The following DAB1 variants were observed in gnomAD, a reference collection of about 807,000 sequenced individuals.
DAB1 encodes disabled homolog 1.
DAB1 carries 15 observed loss-of-function variants against 64.6 expected under a neutral mutation model. The observed-to-expected ratio is 0.23, with a 90% CI of 0.16 to 0.36. The LOEUF is 0.36. Among genes scored for constraint, DAB1 ranks in the 10% least tolerant of loss-of-function variants. DAB1 has a pLI of 1.00. For missense variants in DAB1, 596 were observed against 706.7 expected (o/e 0.84, Z 1.78); for synonymous variants, 235 against 251.9 (o/e 0.93, Z 0.64).
intron 7 of DAB1, among the ~76,000 whole-genome samples, chr1:57,475,500 G>A (rs933645560): frequency 2.6e-5 from 4 of 152,224 alleles, no homozygotes; most frequent in African/African-American, 9.6e-5. Flanking sequence ...CAGATTCACA[G>A]GCCTATTACT....
At chr1:57,270,821 G>T (rs769190205) in intron 2 of DAB1, among the ~76,000 whole-genome samples, 2 of 152,148 alleles carry the variant, frequency 1.3e-5, no homozygotes, top group Non-Finnish European at 1.5e-5. Flanking sequence ...CAGGCACCTT[G>T]CTTGGCCCTA....
chr1:58,447,001 G>A (rs1357507162), intron 3 of DAB1, among the ~76,000 whole-genome samples: 1 of 152,212 alleles, frequency 6.6e-6, no homozygotes, highest in Non-Finnish European at 1.5e-5. Flanking sequence ...ACTGAACAGT[G>A]GAAGGAAACT....
intron 3 of DAB1, among the ~76,000 whole-genome samples, chr1:58,352,769 G>A (rs1644071096): frequency 6.6e-6 from 1 of 152,112 alleles, no homozygotes; most frequent in African/African-American, 2.4e-5. Flanking sequence ...GCCTTTGAGA[G>A]GTGATGAGAT....
At chr1:58,486,325 G>A (rs902304522) in intron 3 of DAB1, among the ~76,000 whole-genome samples, 2 of 152,136 alleles carry the variant, frequency 1.3e-5, no homozygotes, top group African/African-American at 4.8e-5. Context: ...CAAGTTACAT[G>A]GCTGAGTCAG....
At chr1:57,990,963 G>C (rs1646329007) in intron 5 of DAB1, among the ~76,000 whole-genome samples, 1 of 152,170 alleles carries the variant, frequency 6.6e-6, no homozygotes, top group Non-Finnish European at 1.5e-5. Context: ...TGCTACTTGG[G>C]GTGGGAGGAG....
chr1:57,229,808 G>A (rs1667538345), intron 2 of DAB1, among the ~76,000 whole-genome samples: 1 of 152,158 alleles, frequency 6.6e-6, no homozygotes, highest in South Asian at 2.1e-4. Context: ...TGGAAGAGTT[G>A]AATTTGCCTG....
chr1:58,188,441 C>G (rs1657208979), intron 4 of DAB1, among the ~76,000 whole-genome samples: 1 of 152,196 alleles, frequency 6.6e-6, no homozygotes, highest in Non-Finnish European at 1.5e-5. Context: ...AGAGAAGTGA[C>G]TGGGTATTCA....
chr1:57,776,084 T>C lies in DAB1; in HGVS notation n.551+107915A>G, dbSNP rs1162780802. Among the ~76,000 whole-genome samples, 3 of 151,868 alleles carry C rather than the reference T, an allele frequency of 2.0e-5. No homozygotes were observed. In the East Asian group the frequency reaches 5.8e-4, roughly 29 times the overall value. Reference sequence around the variant, plus strand: ...TACTTTTAGCCTATCTGTGTCTTTATGTTGTCTTTATGTTGAAAGTGTGTT... The same window carrying C: ...TACTTTTAGCCTATCTGTGTCTTTACGTTGTCTTTATGTTGAAAGTGTGTT... On this transcript the variant is annotated intron_variant and non_coding_transcript_variant, in intron 6 of 20. Transcript: ENST00000485760.
At chr1:57,057,893 C>G (rs1473076875) in intron 9 of DAB1, among the ~76,000 whole-genome samples, 2 of 152,138 alleles carry the variant, frequency 1.3e-5, no homozygotes, top group South Asian at 2.1e-4. Context: ...CAGGCATGAG[C>G]CACCGCGCCC....
At chr1:57,816,232 C>A (rs576730366) in intron 6 of DAB1, among the ~76,000 whole-genome samples, 1 of 152,212 alleles carries the variant, frequency 6.6e-6, no homozygotes, top group Non-Finnish European at 1.5e-5. Flanking sequence ...CTGATTTCGG[C>A]TCTACCTTAA....
intron 4 of DAB1, among the ~76,000 whole-genome samples, chr1:58,195,361 T>C (rs1570470628): frequency 6.6e-6 from 1 of 152,004 alleles, no homozygotes; most frequent in Non-Finnish European, 1.5e-5. Flanking sequence ...AAGTAGATGA[T>C]AGAATTGCAG....
chr1:57,917,208 C>T (rs750223443), intron 5 of DAB1, among the ~76,000 whole-genome samples: 3 of 152,132 alleles, frequency 2.0e-5, no homozygotes, highest in Non-Finnish European at 2.9e-5. Context: ...AGCATGTCCT[C>T]TAGGTCCACT....
At chr1:57,801,334 A>G (rs975204194) in intron 6 of DAB1, among the ~76,000 whole-genome samples, 2 of 152,216 alleles carry the variant, frequency 1.3e-5, no homozygotes, top group Non-Finnish European at 2.9e-5. Flanking sequence ...ACGGGTATGT[A>G]AAGAAAATGA....
intron 3 of DAB1, among the ~76,000 whole-genome samples, chr1:57,140,399 A>G (rs562911608): frequency 1.3e-5 from 2 of 152,294 alleles, no homozygotes; most frequent in African/African-American, 4.8e-5. Context: ...AAAGGGGCTA[A>G]TAAGTCATAG....
intron 1 of DAB1, among the ~76,000 whole-genome samples, chr1:57,308,995 G>A (rs1043076034): frequency 3.3e-5 from 5 of 152,182 alleles, no homozygotes; most frequent in African/African-American, 1.2e-4. Flanking sequence ...GCCCAGGGTG[G>A]CTTTGAATGC....
Position 57,188,926 on chromosome 1 carries a change from G to T in DAB1, c.68-43497C>A, listed in dbSNP as rs59981210. On this transcript the variant is annotated intron_variant, in intron 2 of 14. Coordinates refer to ENST00000371236, the MANE Select transcript of DAB1 (RefSeq NM_001365792.1). ...TCTTTATAATGATGCCATAGGCAGA[G>T]TTATTTTCCCTCAGTTGAGAAATCA... Among the ~76,000 whole-genome samples, 1,131 of 152,224 alleles carry T rather than the reference G, an allele frequency of 7.4e-3. 15 individuals are homozygous for T. Among genetic ancestry groups the T allele is most frequent in the African/African-American group, 0.026 (1,078 of 41,538 alleles).
intron 5 of DAB1, among the ~76,000 whole-genome samples, chr1:58,010,582 A>G (rs1236018221): frequency 6.6e-6 from 1 of 152,200 alleles, no homozygotes; most frequent in African/African-American, 2.4e-5. Flanking sequence ...TATGATTTCC[A>G]TGTTAATTTC....
chr1:58,116,946 A>AGG (rs1461686377), intron 5 of DAB1, among the ~76,000 whole-genome samples: 1 of 152,218 alleles, frequency 6.6e-6, no homozygotes. Context: ...AAGAACACAA[A>AGG]GGACAACCTA....
intron 6 of DAB1, among the ~76,000 whole-genome samples, chr1:57,795,002 C>G (rs1458151950): frequency 6.6e-6 from 1 of 152,192 alleles, no homozygotes; most frequent in Non-Finnish European, 1.5e-5. Context: ...AGGCTATAAC[C>G]ATCCATCCAC....
Sources: allele counts gnomAD v4.1 joint callset (sites outside exome capture counted in the v4.1 genomes callset), GRCh38; gene constraint gnomAD v4.1.1; transcripts MANE v1.5; gene names NCBI Gene and HGNC (gene_info 2026-07-23, HGNC 2026-07-21).